Variants in DPYSL5 observed in about 807,000 individuals in gnomAD.
DPYSL5 encodes the protein dihydropyrimidinase like 5.
A neutral mutation model predicts 58.4 loss-of-function variants in DPYSL5; 9 were observed. The ratio of observed to expected loss-of-function variants is 0.15; its 90% CI spans 0.09 to 0.27. DPYSL5 has a LOEUF of 0.27. Ranked by LOEUF, DPYSL5 falls within the 10% of genes least tolerant of loss-of-function variation. DPYSL5 has a pLI of 1.00. For missense variants in DPYSL5, 499 were observed against 770.6 expected (o/e 0.65, Z 4.17); for synonymous variants, 293 against 301.9 (o/e 0.97, Z 0.31).
chr2:26,928,752 CGT>C lies in DPYSL5; in HGVS notation c.669+435_669+436del, dbSNP rs775375591. Reference sequence around the variant, plus strand: ...ATACGCACACACACGCACACACATACGTGTGTGCGTGTGTGTGTGTGTGTATA... The same window carrying C: ...ATACGCACACACACGCACACACATACGTGTGCGTGTGTGTGTGTGTGTATA... On this transcript the variant is annotated intron_variant, in intron 5 of 12. Transcript: ENST00000288699. 3.5e-5 allele frequency among the ~76,000 whole-genome samples: 3 copies of C among 86,704 alleles called. 1 individual carries two copies. Among genetic ancestry groups the C allele is most frequent in the African/African-American group, 1.3e-4 (3 of 23,828 alleles). 56.9% of individuals were successfully genotyped at this position (86,704 alleles called of 152,430 possible).
At position 26,942,047 on chromosome 2, in the gene DPYSL5, C is replaced by T; in HGVS notation, c.1187C>T (p.Pro396Leu). 4 of 1,614,206 alleles carry T rather than the reference C, an allele frequency of 2.5e-6. No individual in the cohort carries two copies. Among genetic ancestry groups the T allele is most frequent in the Non-Finnish European group, 2.5e-6 (3 of 1,180,042 alleles). ...NLYPRKGRII[P>L]GADADVVVWD... ...TATCCCCGCAAGGGCCGCATTATTC[C>T]CGGAGCCGATGCTGATGTGGTGGTG... Residue 396 changes from proline to leucine, a missense_variant, in exon 10 of 13, where the codon CCC becomes CTC. Around this residue, in one of 3 missense-constraint regions of DPYSL5, gnomAD observed 404 missense variants for 647.6 expected, o/e 0.62. Transcript: ENST00000288699. The surrounding 1 kb of genome is among the most constrained non-coding windows in gnomAD (Gnocchi z 5.9).
In DPYSL5 at chr2:26,942,836, G is replaced by A. The variant is rs370057133; in HGVS notation, c.1440+86G>A. 4.7e-5 allele frequency: 68 copies of A among 1,461,124 alleles called. No individual in the cohort carries two copies. In the African/African-American group the frequency reaches 8.1e-4, roughly 17 times the overall value. 90.5% of individuals were successfully genotyped at this position (1,461,124 alleles called of 1,614,324 possible). The stretch of plus-strand genomic sequence containing the variant: ...TGACTGTTTTAAATCTCAAAGAGAT[G>A]TTCACTCCAGTTTTCGACCCAATTC... On this transcript the variant is annotated intron_variant, in intron 11 of 12. Transcript: ENST00000288699. This position sits in a 1 kb window ranked among gnomAD's most constrained non-coding sequence, Gnocchi z 5.9.
chr2:26,913,900 CT>C, intron 2 of DPYSL5, among the ~76,000 whole-genome samples: 1 of 148,562 alleles, frequency 6.7e-6, no homozygotes, highest in Non-Finnish European at 1.5e-5. Context: ...ACCATGCATG[CT>C]TTTACATTTC....
intron 1 of DPYSL5, among the ~76,000 whole-genome samples, chr2:26,872,476 G>C (rs1170949737): frequency 1.3e-5 from 2 of 152,170 alleles, no homozygotes; most frequent in Non-Finnish European, 2.9e-5. Context: ...CGGATCACGA[G>C]GGCAGGAGTT....
intron 4 of DPYSL5, among the ~76,000 whole-genome samples, 190 bp from the exon 5 acceptor site, chr2:26,928,065 G>A (rs1302572110): frequency 6.6e-6 from 1 of 152,208 alleles, no homozygotes; most frequent in Non-Finnish European, 1.5e-5. Context: ...AGAATCAGGA[G>A]AGCCCCACTG....
At chr2:26,887,797 A>G (rs917088339) in intron 1 of DPYSL5, among the ~76,000 whole-genome samples, 2 of 152,176 alleles carry the variant, frequency 1.3e-5, no homozygotes, top group Non-Finnish European at 2.9e-5. Flanking sequence ...CCTCCCCACC[A>G]TCCCACTTCC....
chr2:26,857,097 T>C (rs77808205), intron 1 of DPYSL5, among the ~76,000 whole-genome samples: 7,954 of 152,050 alleles, frequency 0.052, 277 homozygotes, highest in Non-Finnish European at 0.081. Flanking sequence ...AAAATCATAT[T>C]ATAAATGCAA....
chr2:26,870,009 T>A (rs1050480044), intron 1 of DPYSL5, among the ~76,000 whole-genome samples: 7 of 152,226 alleles, frequency 4.6e-5, no homozygotes. Flanking sequence ...AGACTTCGTC[T>A]CAAAACAAAC....
At chr2:26,891,658 T>C (rs755006240) in intron 1 of DPYSL5, among the ~76,000 whole-genome samples, 2 of 152,162 alleles carry the variant, frequency 1.3e-5, no homozygotes, top group Non-Finnish European at 2.9e-5. Flanking sequence ...GGCTTCTTTT[T>C]AGTTAATAAA....
intron 1 of DPYSL5, among the ~76,000 whole-genome samples, chr2:26,879,456 A>AT (rs1663498821): frequency 8.8e-6 from 1 of 113,762 alleles, no homozygotes; most frequent in African/African-American, 3.5e-5. Flanking sequence ...CCCTATCTCT[A>AT]TTTGAAAAAA....
chr2:26,936,539 A>G (rs1313502310), intron 8 of DPYSL5, among the ~76,000 whole-genome samples: 1 of 152,228 alleles, frequency 6.6e-6, no homozygotes, highest in Non-Finnish European at 1.5e-5. Context: ...TCTGTCCCAT[A>G]GCCTTGGTGG....
intron 2 of DPYSL5, among the ~76,000 whole-genome samples, chr2:26,900,368 C>G (rs115361866): frequency 2.0e-5 from 3 of 152,192 alleles, no homozygotes; most frequent in African/African-American, 7.2e-5. Context: ...TGAAATGAAG[C>G]AGTATGTACC....
Position 26,924,197 on chromosome 2 carries a change from G to A in DPYSL5, c.262-690G>A, listed in dbSNP as rs2148157502. Among the ~76,000 whole-genome samples, 2 of 152,220 alleles carry A rather than the reference G, an allele frequency of 1.3e-5. No individual in the cohort carries two copies. The highest frequency in any genetic ancestry group is 6.8e-3 in the Middle Eastern group (2 of 294). On this transcript the variant is annotated intron_variant, in intron 2 of 12. Coordinates refer to ENST00000288699, the MANE Select transcript of DPYSL5 (RefSeq NM_020134.4). The surrounding 1 kb of genome is among the most constrained non-coding windows in gnomAD (Gnocchi z 4.7). ...TTAAAGTGGTATCTTGCGGAGTTGT[G>A]AATAGGATCCGTTTTCACTGATAAA...
chr2:26,928,704 T>TATATATATACACACACACAC, intron 5 of DPYSL5, among the ~76,000 whole-genome samples: 1 of 62,966 alleles, frequency 1.6e-5, no homozygotes, highest in African/African-American at 6.3e-5. Context: ...TATATATATA[T>TATATATATACACACACACAC]ACACACACAC....
At chr2:26,941,792 G>A (rs1451734653) in intron 9 of DPYSL5, among the ~76,000 whole-genome samples, 158 bp from the exon 10 acceptor site, 2 of 152,196 alleles carry the variant, frequency 1.3e-5, no homozygotes, top group African/African-American at 4.8e-5. Flanking sequence ...CAGCCAAGCA[G>A]GCTGGCTCAT....
intron 2 of DPYSL5, among the ~76,000 whole-genome samples, chr2:26,901,118 C>T (rs1664145414): frequency 6.6e-6 from 1 of 152,104 alleles, no homozygotes; most frequent in African/African-American, 2.4e-5. Context: ...ACGAAAGGCC[C>T]CAGATCTCCC....
At position 26,898,133 on chromosome 2, in the gene DPYSL5, T is replaced by G. The variant is rs994223801; in HGVS notation, c.-4-363T>G. ...AAATTCCTTAGCAATTTCAGCTTTC[T>G]CATCTGTAAAATGCCTTGGGTTGTT... On this transcript the variant is annotated intron_variant, in intron 1 of 12. Transcript: ENST00000288699. The surrounding 1 kb of genome is among the most constrained non-coding windows in gnomAD (Gnocchi z 6.1). Among the ~76,000 whole-genome samples, 1 of 152,230 alleles carries G rather than the reference T, an allele frequency of 6.6e-6. No individual in the cohort carries two copies. Among genetic ancestry groups the G allele is most frequent in the Non-Finnish European group, 1.5e-5 (1 of 68,040 alleles).
chr2:26,930,324 A>G, intron 5 of DPYSL5, among the ~76,000 whole-genome samples: 1 of 152,056 alleles, frequency 6.6e-6, no homozygotes, highest in East Asian at 1.9e-4. Context: ...AATAATTATC[A>G]CCGCCATTAT....
chr2:26,898,447 G>T lies in DPYSL5; in HGVS notation c.-4-49G>T. 6.3e-7 allele frequency: 1 copy of T among 1,588,482 alleles called. No individual in the cohort carries two copies. The highest frequency in any genetic ancestry group is 1.7e-5 in the Admixed American group (1 of 58,844). On this transcript the variant is annotated intron_variant, in intron 1 of 12. Transcript: ENST00000288699. This position sits in a 1 kb window ranked among gnomAD's most constrained non-coding sequence, Gnocchi z 6.1. ...CTTTGATAGGAGGGATGGGAAACTG[G>T]AAACAGTGAGAAGGGACTTTGACCT...
Sources: allele counts gnomAD v4.1 joint callset (sites outside exome capture counted in the v4.1 genomes callset), GRCh38; gene constraint gnomAD v4.1.1; regional missense constraint gnomAD v4.1.1; non-coding constraint Gnocchi (gnomAD v3.1); transcripts MANE v1.5; gene names NCBI Gene and HGNC (gene_info 2026-07-23, HGNC 2026-07-21).